ZNF407: variants seen among roughly 807,000 people sequenced by gnomAD.
ZNF407 encodes the protein zinc finger protein 407.
ZNF407 carries 17 observed loss-of-function variants against 131.2 expected under a neutral mutation model. The observed-to-expected ratio is 0.13, with a 90% CI of 0.09 to 0.19. The LOEUF (loss-of-function observed/expected upper bound fraction) is 0.19, where lower values mean the gene tolerates loss of function less well. ZNF407 is among the 10% of genes least tolerant of loss of function. ZNF407 has a pLI of 1.00. For synonymous variants in ZNF407, 1,156 were observed against 1,062.0 expected, an observed-to-expected ratio of 1.09 and a Z score of -1.72; for missense variants, 2,681 against 2,830.6, an observed-to-expected ratio of 0.95 and a Z score of 1.20.
chr18:74,612,560 T>A (rs1224087602), intron 1 of ZNF407, among the ~76,000 whole-genome samples: 1 of 152,190 alleles, frequency 6.6e-6, no homozygotes, highest in Non-Finnish European at 1.5e-5. Context: ...TCAGTTGACC[T>A]CCTGTAAAGA....
intron 8 of ZNF407, among the ~76,000 whole-genome samples, chr18:74,922,159 C>T (rs371134658): frequency 6.6e-6 from 1 of 152,246 alleles, no homozygotes; most frequent in East Asian, 1.9e-4. Context: ...AGCTTTAGTT[C>T]ATAAAAACAG....
chr18:74,733,015 G>A (rs892221112), intron 3 of ZNF407, among the ~76,000 whole-genome samples: 1 of 152,016 alleles, frequency 6.6e-6, no homozygotes, highest in Non-Finnish European at 1.5e-5. Context: ...TTCTTTGATT[G>A]GAGTTACACA....
At chr18:74,619,422 C>T (rs1261429808) in intron 1 of ZNF407, among the ~76,000 whole-genome samples, 1 of 152,122 alleles carries the variant, frequency 6.6e-6, no homozygotes, top group Non-Finnish European at 1.5e-5. Flanking sequence ...TAATTTTATT[C>T]TCCTAATTCT....
intron 8 of ZNF407, among the ~76,000 whole-genome samples, chr18:74,927,837 A>G (rs1971934003): frequency 6.6e-6 from 1 of 152,232 alleles, no homozygotes; most frequent in Non-Finnish European, 1.5e-5. Flanking sequence ...ATGTGTACAC[A>G]TTAGTATTCA....
intron 8 of ZNF407, among the ~76,000 whole-genome samples, chr18:74,967,653 C>T (rs1972424320): frequency 6.6e-6 from 1 of 152,196 alleles, no homozygotes; most frequent in South Asian, 2.1e-4. Context: ...CATTAGCAAA[C>T]TAACTCTCAC....
At chr18:74,950,786 T>A (rs894110159) in intron 8 of ZNF407, among the ~76,000 whole-genome samples, 1 of 152,224 alleles carries the variant, frequency 6.6e-6, no homozygotes, top group African/African-American at 2.4e-5. Flanking sequence ...ATGGGAATAC[T>A]CCCAACACAC....
At chr18:74,823,973 C>G (rs1168408728) in intron 4 of ZNF407, among the ~76,000 whole-genome samples, 1 of 152,134 alleles carries the variant, frequency 6.6e-6, no homozygotes, top group Non-Finnish European at 1.5e-5. Context: ...TAAAACATTC[C>G]TCAGCAAATG....
intron 8 of ZNF407, among the ~76,000 whole-genome samples, chr18:75,029,261 T>C (rs551524256): frequency 1.3e-4 from 20 of 152,332 alleles, no homozygotes; most frequent in African/African-American, 4.8e-4. Flanking sequence ...CTTCAAAAGA[T>C]AGGAATTCTG....
chr18:75,011,496 C>T (rs1972973871), intron 8 of ZNF407, among the ~76,000 whole-genome samples: 1 of 152,070 alleles, frequency 6.6e-6, no homozygotes. Flanking sequence ...CCACTACAAA[C>T]AATGCTATAT....
At chr18:74,719,845 T>C (rs893453142) in intron 3 of ZNF407, among the ~76,000 whole-genome samples, 3 of 152,242 alleles carry the variant, frequency 2.0e-5, no homozygotes, top group Non-Finnish European at 2.9e-5. Flanking sequence ...TTTCATGTTT[T>C]TATGGCTGAG....
Position 74,634,354 on chromosome 18 carries a change from C to T in ZNF407, c.3335C>T (p.Ser1112Leu). ...AATTCTGAGGAATTTCAAATAATTT[C>T]AGGTCAACCATCTGATACTCTTAAA... Reference protein sequence around the residue: ...QQNSEEFQIISGQPSDTLKSR... With the variant: ...QQNSEEFQIILGQPSDTLKSR... Residue 1112 changes from serine to leucine, a missense_variant, in exon 2 of 9, where the codon TCA (serine) becomes TTA (leucine). Ser to Leu is a moderately radical substitution (Grantham distance 145, BLOSUM62 -2). Around this residue, in one of 6 missense-constraint regions of ZNF407, gnomAD observed 1,789 missense variants for 1,748.7 expected, o/e 1.02. Transcript: ENST00000299687. 7 of 1,613,932 alleles carry T rather than the reference C, an allele frequency of 4.3e-6. No individual in the cohort carries two copies. Among genetic ancestry groups the T allele is most frequent in the Non-Finnish European group, 5.9e-6 (7 of 1,179,876 alleles).
At chr18:74,895,219 T>C (rs1971437932) in intron 7 of ZNF407, among the ~76,000 whole-genome samples, 1 of 152,058 alleles carries the variant, frequency 6.6e-6, no homozygotes, top group South Asian at 2.1e-4. Context: ...AGGTTTTTTT[T>C]TTTTCTTTTT....
At chr18:74,602,902 G>A (rs1439245755) in intron 1 of ZNF407, among the ~76,000 whole-genome samples, 1 of 152,130 alleles carries the variant, frequency 6.6e-6, no homozygotes, top group Non-Finnish European at 1.5e-5. Flanking sequence ...CTGTGTGTGT[G>A]TGAGGGGAGT....
intron 4 of ZNF407, among the ~76,000 whole-genome samples, chr18:74,873,422 G>A (rs1453493887): frequency 6.6e-6 from 1 of 152,142 alleles, no homozygotes; most frequent in Admixed American, 6.5e-5. Flanking sequence ...ATTTTAGCAG[G>A]TAGGTGAGCT....
At chr18:74,849,271 G>T in intron 4 of ZNF407, among the ~76,000 whole-genome samples, 1 of 151,792 alleles carries the variant, frequency 6.6e-6, no homozygotes, top group Non-Finnish European at 1.5e-5. Flanking sequence ...GTAGATACGG[G>T]GTTTCGCTAT....
At chr18:74,606,723 T>A (rs1347342692) in intron 1 of ZNF407, among the ~76,000 whole-genome samples, 7 of 152,246 alleles carry the variant, frequency 4.6e-5, no homozygotes, top group Admixed American at 2.6e-4. Context: ...TGGAATTATT[T>A]CAAAGTAGAC....
At chr18:75,021,613 G>A (rs1203507186) in intron 8 of ZNF407, among the ~76,000 whole-genome samples, 2 of 152,060 alleles carry the variant, frequency 1.3e-5, no homozygotes, top group Non-Finnish European at 2.9e-5. Flanking sequence ...ATGTAAAAGG[G>A]AAATATTATT....
intron 3 of ZNF407, among the ~76,000 whole-genome samples, chr18:74,693,248 C>T (rs775339561): frequency 2.6e-5 from 4 of 152,164 alleles, no homozygotes; most frequent in Non-Finnish European, 5.9e-5. Context: ...TTCTGATGGG[C>T]TCGAGAAAAG....
At chr18:74,774,468 C>T (rs1252193818) in intron 3 of ZNF407, among the ~76,000 whole-genome samples, 3 of 152,100 alleles carry the variant, frequency 2.0e-5, no homozygotes, top group East Asian at 1.9e-4. Flanking sequence ...CTACCTTAAA[C>T]AAATAGTCAA....
Sources: gnomAD v4.1 joint callset for allele counts (sites outside exome capture counted in the v4.1 genomes callset) on GRCh38, gnomAD v4.1.1 for gene constraint, gnomAD v4.1.1 regional missense constraint, MANE v1.5 for transcripts, NCBI Gene and HGNC (gene_info 2026-07-23, HGNC 2026-07-21) for gene names.